The following CLCA4 variants were observed in gnomAD, a reference collection of about 807,000 sequenced individuals.
CLCA4 encodes chloride channel accessory 4.
In CLCA4, 69 loss-of-function variants were observed where a neutral mutation model predicts 78.9. The observed-to-expected ratio is 0.87, with a 90% confidence interval of 0.72 to 1.07. The LOEUF is 1.07. CLCA4 is among the 50% of genes least tolerant of loss of function. The pLI is 0.00. For synonymous variants in CLCA4, 362 were observed against 375.8 expected (o/e 0.96, Z 0.42); for missense variants, 1,133 against 1,095.8 (o/e 1.03, Z -0.48).
intron 10 of CLCA4, 145 bp from the exon 11 acceptor site, chr1:86,575,187 C>A: frequency 1.5e-6 from 1 of 679,710 alleles, no homozygotes; most frequent in Non-Finnish European, 2.4e-6. Context: ...GTCTGAACTG[C>A]CTCAGCCCTT....
At position 86,556,152 on chromosome 1, in the gene CLCA4, G is replaced by A. The variant is rs537806889; in HGVS notation, c.160-3780G>A. Among the ~76,000 whole-genome samples the A allele has an allele frequency of 2.6e-5, 4 of 152,160 alleles. No individual in the cohort carries two copies. In the East Asian group the frequency reaches 5.8e-4, roughly 22 times the overall value. On this transcript the variant is annotated intron_variant, in intron 1 of 13. Coordinates refer to ENST00000370563, the MANE Select transcript of CLCA4 (RefSeq NM_012128.4). ...ATAGAATTATGTCATAATCAAAGAG[G>A]GATAGTTTGACTCCCTCTCTTCCTA...
At chr1:86,576,323 C>T (rs145530015) in intron 11 of CLCA4, among the ~76,000 whole-genome samples, 1,618 of 151,888 alleles carry the variant, frequency 0.011, 21 homozygotes, top group Admixed American at 0.019. Flanking sequence ...CCACCATGCT[C>T]AGCTAATCTT....
intron 6 of CLCA4, among the ~76,000 whole-genome samples, chr1:86,566,270 G>C (rs1432791579): frequency 6.6e-6 from 1 of 151,962 alleles, no homozygotes; most frequent in African/African-American, 2.4e-5. Flanking sequence ...GGGCTTCTAG[G>C]CTGGTTAAAG....
At position 86,560,190 on chromosome 1, in the gene CLCA4, A is replaced by C. The variant is rs527976194; in HGVS notation, c.301-21A>C. The C allele has an allele frequency of 5.1e-5, 80 of 1,582,104 alleles. No individual in the cohort carries two copies. In the South Asian group the frequency reaches 8.6e-4, roughly 17 times the overall value. On this transcript the variant is annotated intron_variant, in intron 2 of 13. Coordinates refer to ENST00000370563, the MANE Select transcript of CLCA4 (RefSeq NM_012128.4). Reference sequence around the variant, plus strand: ...ATCTTTTTTATTTTTGATGTTTGACAATCTTTTTCAACATTCTCAGGCTGA... The same window carrying C: ...ATCTTTTTTATTTTTGATGTTTGACCATCTTTTTCAACATTCTCAGGCTGA...
rs2101799797 is a variant in CLCA4 at position 86,561,055 on chromosome 1, T to C, written c.448+697T>C. On this transcript the variant is annotated intron_variant, in intron 3 of 13. Transcript: ENST00000370563. ...ATCCGCATACCCCAGAATCACCCTCTTCTATTCCTGTTCATTGAACACTCG... is the reference window on the plus strand; with the variant it reads ...ATCCGCATACCCCAGAATCACCCTCCTCTATTCCTGTTCATTGAACACTCG... 3.3e-5 allele frequency among the ~76,000 whole-genome samples: 5 copies of C among 152,326 alleles called. 1 individual carries two copies. In the Middle Eastern group the frequency reaches 0.017, roughly 518 times the overall value.
chr1:86,565,570 C>A, intron 5 of CLCA4, 119 bp downstream of exon 5: 2 of 781,448 alleles, frequency 2.6e-6, no homozygotes, highest in Non-Finnish European at 2.0e-6. Flanking sequence ...TCTTTGAACA[C>A]TGGCTAACAC....
At chr1:86,559,569 G>A (rs1029549688) in intron 1 of CLCA4, among the ~76,000 whole-genome samples, 22 of 152,090 alleles carry the variant, frequency 1.4e-4, no homozygotes, top group African/African-American at 4.3e-4. Flanking sequence ...ACTGAGATTC[G>A]GAGCATTGCA....
intron 3 of CLCA4, among the ~76,000 whole-genome samples, chr1:86,563,167 A>G (rs1328609017): frequency 6.6e-6 from 1 of 151,816 alleles, no homozygotes; most frequent in African/African-American, 2.4e-5. Context: ...CCTCTCTCAA[A>G]ACTTTCCCAA....
At position 86,552,540 on chromosome 1, in the gene CLCA4, C is replaced by T. The variant is rs371700044; in HGVS notation, c.159+5262C>T. 600 of 512,236 alleles carry T rather than the reference C, an allele frequency of 1.2e-3. 15 individuals are homozygous for T. The South Asian group carries it at 0.014, about 12-fold the overall frequency. 31.7% of individuals were successfully genotyped at this position (512,236 alleles called of 1,614,324 possible). A position where few individuals can be genotyped will look rare whatever the true frequency, so the allele number is the denominator to read the frequency against. On this transcript the variant is annotated intron_variant, in intron 1 of 13. Transcript: ENST00000370563. ...CAGGGCAGCAAGGCTGGGCAGCGGG[C>T]GGCAGGCGCACCCTCTACGGGAGCC...
intron 1 of CLCA4, among the ~76,000 whole-genome samples, chr1:86,552,146 G>GA (rs1335323008): frequency 6.6e-6 from 1 of 152,180 alleles, no homozygotes; most frequent in South Asian, 2.1e-4. Context: ...GATATTTATA[G>GA]AAAAAATATA....
chr1:86,560,533 C>T (rs983610629), intron 3 of CLCA4, among the ~76,000 whole-genome samples, 175 bp downstream of exon 3: 1 of 152,110 alleles, frequency 6.6e-6, no homozygotes, highest in Non-Finnish European at 1.5e-5. Flanking sequence ...TTATTCCCTA[C>T]AAAATGGCAA....
At chr1:86,553,322 C>T in intron 1 of CLCA4, 2 of 644,394 alleles carry the variant, frequency 3.1e-6, no homozygotes, top group Admixed American at 2.3e-5. Flanking sequence ...CACGTTTCCC[C>T]TTCAGTCCTC....
At chr1:86,548,441 G>T (rs1649560297) in intron 1 of CLCA4, among the ~76,000 whole-genome samples, 1 of 151,960 alleles carries the variant, frequency 6.6e-6, no homozygotes, top group African/African-American at 2.4e-5. Flanking sequence ...TGAACACTTT[G>T]GGAGGCCGAG....
At chr1:86,563,233 A>AATATAT (rs3029440) in intron 3 of CLCA4, among the ~76,000 whole-genome samples, 1 of 149,594 alleles carries the variant, frequency 6.7e-6, no homozygotes, top group African/African-American at 2.4e-5. Flanking sequence ...TATTGCATTG[A>AATATAT]ATATATATAT....
chr1:86,565,538 A>ATT, intron 5 of CLCA4, 87 bp downstream of exon 5: 1 of 1,033,484 alleles, frequency 9.7e-7, no homozygotes, highest in Non-Finnish European at 1.4e-6. Flanking sequence ...TGACCTGAGG[A>ATT]TTATATATAT....
intron 8 of CLCA4, among the ~76,000 whole-genome samples, chr1:86,572,132 T>TTGTG (rs1650366898): frequency 6.6e-6 from 1 of 152,048 alleles, no homozygotes; most frequent in African/African-American, 2.4e-5. Context: ...TACCTAAATA[T>TTGTG]AGCAGCTCTT....
At chr1:86,571,528 A>G (rs930093122) in intron 8 of CLCA4, 3 of 256,252 alleles carry the variant, frequency 1.2e-5, no homozygotes, top group African/African-American at 6.6e-5. Context: ...GTTTTACTAG[A>G]GTTGTATAGA....
chr1:86,564,292 T>C (rs530033977), intron 4 of CLCA4, among the ~76,000 whole-genome samples: 2 of 152,276 alleles, frequency 1.3e-5, no homozygotes, highest in East Asian at 3.9e-4. Context: ...AAATTAAAAT[T>C]GGTGCTATCA....
chr1:86,547,515 T>A (rs1649538294), intron 1 of CLCA4, among the ~76,000 whole-genome samples: 1 of 152,202 alleles, frequency 6.6e-6, no homozygotes, highest in African/African-American at 2.4e-5. Context: ...CAACAGATTA[T>A]CAGTAACTTT....
Sources: gnomAD v4.1 joint callset for allele counts (sites outside exome capture counted in the v4.1 genomes callset) on GRCh38, gnomAD v4.1.1 for gene constraint, MANE v1.5 for transcripts, NCBI Gene and HGNC (gene_info 2026-07-23, HGNC 2026-07-21) for gene names.